GLRA3: variants seen among roughly 807,000 people sequenced by gnomAD.
GLRA3 encodes glycine receptor subunit alpha-3.
In GLRA3, 44 loss-of-function variants were observed where a neutral mutation model predicts 60.4. That is an observed-to-expected ratio of 0.73 (90% CI 0.57 to 0.94). GLRA3 has a LOEUF of 0.94. Ranked by LOEUF, GLRA3 falls within the 40% of genes least tolerant of loss-of-function variation. The pLI is 0.00. For synonymous variants in GLRA3, 223 were observed against 192.9 expected (o/e 1.16, Z -1.29); for missense variants, 508 against 564.6 (o/e 0.90, Z 1.02).
chr4:174,677,241 T>A lies in GLRA3; in HGVS notation c.764A>T (p.Tyr255Phe), dbSNP rs765792225. Residue 255 changes from tyrosine to phenylalanine, a missense_variant, in exon 7 of 10, where the codon TAC becomes TTC. By Grantham distance (22) the Tyr-to-Phe change is conservative (BLOSUM62 3). Coordinates refer to ENST00000274093, the MANE Select transcript of GLRA3 (RefSeq NM_006529.4). ...GGGAATGTACATCTGGATCAGATAGTATCCCATTTGTCGCTCCAGATGGAA... is the reference window on the plus strand; with the variant it reads ...GGGAATGTACATCTGGATCAGATAGAATCCCATTTGTCGCTCCAGATGGAA... ...VRFHLERQMG[Y>F]YLIQMYIPSL... 6 of 1,612,954 alleles carry A rather than the reference T, an allele frequency of 3.7e-6. No homozygotes were observed. In the Admixed American group the frequency reaches 5.0e-5, roughly 13 times the overall value.
At chr4:174,665,287 T>C (rs1419540376) in intron 7 of GLRA3, among the ~76,000 whole-genome samples, 3 of 151,050 alleles carry the variant, frequency 2.0e-5, no homozygotes, top group Non-Finnish European at 4.4e-5. Flanking sequence ...CCCTCCTTCT[T>C]TGGGTAACTA....
intron 2 of GLRA3, among the ~76,000 whole-genome samples, chr4:174,770,298 C>A (rs1053603724): frequency 6.6e-6 from 1 of 152,074 alleles, no homozygotes; most frequent in Non-Finnish European, 1.5e-5. Context: ...CTTGGTATGG[C>A]ATGCAACCAA....
intron 8 of GLRA3, 23 bp downstream of exon 8, chr4:174,659,031 A>C: frequency 6.2e-7 from 1 of 1,601,592 alleles, no homozygotes; most frequent in Non-Finnish European, 8.5e-7. Flanking sequence ...ATTCTGCCAA[A>C]CCCAATACGT....
intron 2 of GLRA3, among the ~76,000 whole-genome samples, chr4:174,787,163 T>A (rs1359998539): frequency 6.6e-6 from 1 of 152,152 alleles, no homozygotes; most frequent in African/African-American, 2.4e-5. Context: ...GCCACTCTTG[T>A]GTGGTTGGTA....
At chr4:174,695,977 A>G (rs969765781) in intron 5 of GLRA3, among the ~76,000 whole-genome samples, 2 of 152,108 alleles carry the variant, frequency 1.3e-5, no homozygotes, top group African/African-American at 4.8e-5. Flanking sequence ...CAGAAAGGCA[A>G]TTCAATTTAC....
chr4:174,751,109 A>G lies in GLRA3; in HGVS notation c.267+15854T>C, dbSNP rs1389561254. Among the ~76,000 whole-genome samples the G allele has an allele frequency of 3.3e-5, 5 of 151,590 alleles. No homozygotes were observed. The East Asian group carries it at 7.8e-4, about 24-fold the overall frequency. On this transcript the variant is annotated intron_variant, in intron 3 of 9. Transcript: ENST00000274093. ...TATCTATCTATCTATCTATCTATCA[A>G]TCATCTATCTACCTACCTACCTTCC...
Position 174,829,216 on chromosome 4 carries a change from GC to G in GLRA3, c.-406del, listed in dbSNP as rs1265091209. On this transcript the variant is annotated 5_prime_UTR_variant, in exon 1 of 10. Transcript: ENST00000274093. ...CGCCTCTCCACCTGCTCCAAGCGCC[GC>G]CCGCCGGAATCCAGCTCTCCACCTT... The G allele has an allele frequency of 6.2e-6, 1 of 162,186 alleles. No individual in the cohort carries two copies. The highest frequency in any genetic ancestry group is 2.4e-5 in the African/African-American group (1 of 41,744). 10.0% of individuals were successfully genotyped at this position (162,186 alleles called of 1,614,324 possible).
chr4:174,803,955 C>T (rs1349970138), intron 1 of GLRA3, among the ~76,000 whole-genome samples: 1 of 152,164 alleles, frequency 6.6e-6, no homozygotes, highest in African/African-American at 2.4e-5. Context: ...GACTGACAGA[C>T]TTGTCTACTA....
At chr4:174,745,589 T>C (rs1002624540) in intron 3 of GLRA3, among the ~76,000 whole-genome samples, 1 of 152,110 alleles carries the variant, frequency 6.6e-6, no homozygotes, top group African/African-American at 2.4e-5. Flanking sequence ...AAAGATTTTA[T>C]GGCTAAAACC....
intron 2 of GLRA3, among the ~76,000 whole-genome samples, chr4:174,786,130 G>A (rs1234290738): frequency 1.3e-5 from 2 of 151,650 alleles, no homozygotes; most frequent in Admixed American, 6.6e-5. Flanking sequence ...TGATATTCAT[G>A]TCTCTAAACT....
chr4:174,759,682 T>G (rs1737866138), intron 3 of GLRA3, among the ~76,000 whole-genome samples: 1 of 152,130 alleles, frequency 6.6e-6, no homozygotes, highest in African/African-American at 2.4e-5. Flanking sequence ...TAATATAAAC[T>G]GTACTAAACA....
intron 3 of GLRA3, among the ~76,000 whole-genome samples, chr4:174,749,750 C>T (rs2111192131): frequency 6.6e-6 from 1 of 152,160 alleles, no homozygotes; most frequent in African/African-American, 2.4e-5. Context: ...GAATGTGTAT[C>T]TTATCTCTTG....
intron 1 of GLRA3, among the ~76,000 whole-genome samples, chr4:174,812,837 G>A (rs1048419440): frequency 5.9e-5 from 9 of 151,908 alleles, no homozygotes; most frequent in Admixed American, 3.3e-4. Context: ...CCCTTCCTCC[G>A]TCTTTTTTTC....
intron 3 of GLRA3, among the ~76,000 whole-genome samples, chr4:174,753,379 G>A (rs1737561786): frequency 6.6e-6 from 1 of 152,136 alleles, no homozygotes; most frequent in South Asian, 2.1e-4. Context: ...AGAGCTATCT[G>A]CAATTTAAAT....
chr4:174,785,971 TG>T (rs1184466114), intron 2 of GLRA3, among the ~76,000 whole-genome samples: 2 of 128,414 alleles, frequency 1.6e-5, no homozygotes, highest in Non-Finnish European at 3.2e-5. Context: ...GATAGATGGG[TG>T]TCTCAGAGCT....
chr4:174,693,666 G>GT (rs895346037), intron 5 of GLRA3, among the ~76,000 whole-genome samples: 1 of 152,098 alleles, frequency 6.6e-6, no homozygotes, highest in African/African-American at 2.4e-5. Flanking sequence ...TTTTAAAATA[G>GT]TTTTTTTCTA....
At chr4:174,802,808 A>G (rs1190660866) in intron 1 of GLRA3, among the ~76,000 whole-genome samples, 2 of 152,134 alleles carry the variant, frequency 1.3e-5, no homozygotes, top group Non-Finnish European at 2.9e-5. Context: ...ATTGTCATTT[A>G]AAGATGAAAC....
intron 3 of GLRA3, among the ~76,000 whole-genome samples, chr4:174,737,839 A>G (rs1302893303): frequency 6.6e-6 from 1 of 152,316 alleles, no homozygotes; most frequent in East Asian, 1.9e-4. Flanking sequence ...TCACAGTTTT[A>G]CATTTTAACT....
intron 3 of GLRA3, among the ~76,000 whole-genome samples, chr4:174,748,349 C>T (rs377248638): frequency 1.3e-4 from 20 of 152,046 alleles, no homozygotes; most frequent in African/African-American, 4.1e-4. Context: ...TTTAGTGAAG[C>T]GATTGGTGAA....
Sources: allele counts gnomAD v4.1 joint callset (sites outside exome capture counted in the v4.1 genomes callset), GRCh38; gene constraint gnomAD v4.1.1; transcripts MANE v1.5; gene names NCBI Gene and HGNC (gene_info 2026-07-23, HGNC 2026-07-21).